TTC7A: variants seen among roughly 807,000 people sequenced by gnomAD.
TTC7A encodes tetratricopeptide repeat domain 7A, also known as tetratricopeptide repeat protein 7A.
TTC7A carries 110 observed loss-of-function variants against 103.7 expected under a neutral mutation model. The observed-to-expected ratio is 1.06, with a 90% CI of 0.91 to 1.24. The LOEUF (loss-of-function observed/expected upper bound fraction) is 1.24, where lower values mean the gene tolerates loss of function less well. TTC7A is among the 50% of genes most tolerant of loss of function. TTC7A has a pLI of 0.00. For synonymous variants in TTC7A, 521 were observed against 467.9 expected, an observed-to-expected ratio of 1.11 and a Z score of -1.47; for missense variants, 1,340 against 1,116.3, an observed-to-expected ratio of 1.20 and a Z score of -2.86.
At chr2:46,985,389 C>A (rs528551512) in intron 5 of TTC7A, among the ~76,000 whole-genome samples, 1 of 152,214 alleles carries the variant, frequency 6.6e-6, no homozygotes, top group African/African-American at 2.4e-5. Context: ...GGCAGTTACT[C>A]AGCCCCTGTG....
chr2:47,050,914 G>A (rs1682805896), intron 17 of TTC7A: 1 of 152,226 alleles, frequency 6.6e-6, no homozygotes, highest in African/African-American at 2.4e-5. Context: ...GAGGTCTCCT[G>A]AGTTTATTGG....
chr2:46,949,047 G>T (rs148644848), intron 1 of TTC7A, among the ~76,000 whole-genome samples: 25 of 152,248 alleles, frequency 1.6e-4, no homozygotes, highest in African/African-American at 4.8e-4. Context: ...CACCCCAGTT[G>T]CTGGGAGGGG....
At position 46,994,437 on chromosome 2, in the gene TTC7A, G is replaced by T; in HGVS notation, c.924G>T (p.Leu308=). Residue 308 remains leucine, a synonymous_variant, in exon 7 of 20, where the codon CTG becomes CTT. Coordinates refer to ENST00000319190, the MANE Select transcript of TTC7A (RefSeq NM_020458.4). The part of the protein sequence containing the change: ...ECYWSPLSHP[L]PEFMGKEESS... Reference sequence around the variant, plus strand: ...ACTGGAGCCCCCTGTCCCACCCTCTGCCTGAGTTCATGGGCAAGGAGGAGA... The same window carrying T: ...ACTGGAGCCCCCTGTCCCACCCTCTTCCTGAGTTCATGGGCAAGGAGGAGA... 1.2e-6 allele frequency: 2 copies of T among 1,614,102 alleles called. No homozygotes were observed. The highest frequency in any genetic ancestry group is 1.7e-6 in the Non-Finnish European group (2 of 1,179,998).
At chr2:47,040,361 C>G (rs544241429) in intron 15 of TTC7A, 139 of 152,408 alleles carry the variant, frequency 9.1e-4, no homozygotes, top group African/African-American at 3.2e-3. Context: ...CCAGACAGAA[C>G]ACTCACTTTC....
chr2:47,037,931 T>C (rs896868963), intron 15 of TTC7A, among the ~76,000 whole-genome samples: 1 of 152,150 alleles, frequency 6.6e-6, no homozygotes, highest in African/African-American at 2.4e-5. Flanking sequence ...AAATAGACGC[T>C]GTCATTCTCA....
Position 47,021,915 on chromosome 2 carries a change from C to T in TTC7A, c.1446C>T (p.Ala482=), listed in dbSNP as rs955968971. 1.2e-5 allele frequency: 20 copies of T among 1,614,040 alleles called. No individual in the cohort carries two copies. The highest frequency in any genetic ancestry group is 1.2e-4 in the Admixed American group (7 of 60,008). ...AMMVISLGEE[A]GEFLPKGYLA... is the part of the protein sequence containing the mutation. Reference sequence around the variant, plus strand: ...TGGTGATCAGCCTCGGAGAGGAAGCCGGGGAGTTCCTCCCCAAGGGCTACC... The same window carrying T: ...TGGTGATCAGCCTCGGAGAGGAAGCTGGGGAGTTCCTCCCCAAGGGCTACC... The change falls in exon 12 of 20, where the codon GCC becomes GCT. Residue 482 remains alanine (A), a synonymous_variant. Transcript: ENST00000319190.
At chr2:47,030,793 G>A (rs1680446736) in intron 15 of TTC7A, among the ~76,000 whole-genome samples, 1 of 152,180 alleles carries the variant, frequency 6.6e-6, no homozygotes, top group African/African-American at 2.4e-5. Context: ...ACTTGACACA[G>A]CCTGTCTTTT....
At chr2:46,985,377 G>A (rs1042888221) in intron 5 of TTC7A, among the ~76,000 whole-genome samples, 10 of 152,224 alleles carry the variant, frequency 6.6e-5, no homozygotes, top group African/African-American at 2.4e-4. Context: ...CCCAGGACAC[G>A]TGGCAGTTAC....
chr2:46,949,031 G>C (rs938084248), intron 1 of TTC7A, among the ~76,000 whole-genome samples: 3 of 152,126 alleles, frequency 2.0e-5, no homozygotes, highest in African/African-American at 7.2e-5. Flanking sequence ...TGGTGGGCCT[G>C]CTCCTCACCC....
chr2:46,945,188 G>A (rs1414469475), intron 1 of TTC7A, among the ~76,000 whole-genome samples: 1 of 151,750 alleles, frequency 6.6e-6, no homozygotes, highest in Non-Finnish European at 1.5e-5. Flanking sequence ...CTTCACCCTG[G>A]GCTCAAGTGA....
chr2:46,975,524 T>C (rs954699391), intron 4 of TTC7A, among the ~76,000 whole-genome samples: 1 of 151,706 alleles, frequency 6.6e-6, no homozygotes, highest in African/African-American at 2.4e-5. Flanking sequence ...CAGAGGCTGG[T>C]AAAAGAGTTG....
intron 19 of TTC7A, among the ~76,000 whole-genome samples, chr2:47,063,894 G>A (rs1683982424): frequency 6.6e-6 from 1 of 152,264 alleles, no homozygotes; most frequent in African/African-American, 2.4e-5. Context: ...AGTCCTTGGA[G>A]TGGGATTGGC....
intron 10 of TTC7A, among the ~76,000 whole-genome samples, chr2:47,010,567 G>A (rs1677935999): frequency 6.6e-6 from 1 of 152,014 alleles, no homozygotes; most frequent in African/African-American, 2.4e-5. Flanking sequence ...AAGCCTGGGG[G>A]GATCCTCAGA....
chr2:46,994,998 G>A (rs1486491908), intron 7 of TTC7A, 138 bp from the exon 8 acceptor site: 4 of 751,992 alleles, frequency 5.3e-6, no homozygotes, highest in East Asian at 2.7e-5. Flanking sequence ...TATGGTATCC[G>A]GTGCCCATGA....
At chr2:46,976,040 C>G (rs1037149975) in intron 4 of TTC7A, among the ~76,000 whole-genome samples, 1 of 152,268 alleles carries the variant, frequency 6.6e-6, no homozygotes, top group East Asian at 1.9e-4. Context: ...CCATTTTATT[C>G]TTTTTCCCTC....
At chr2:47,056,762 G>A (rs2436771) in intron 18 of TTC7A, among the ~76,000 whole-genome samples, 38,412 of 152,042 alleles carry the variant, frequency 0.25, 5,781 homozygotes, top group African/African-American at 0.42. Context: ...ACCGGAGACA[G>A]ACAAGCAAGA....
intron 3 of TTC7A, among the ~76,000 whole-genome samples, chr2:46,960,379 G>C (rs547145537): frequency 1.3e-5 from 2 of 152,310 alleles, no homozygotes; most frequent in East Asian, 3.9e-4. Context: ...AATTTCCTGA[G>C]CTCCTCTGGT....
Position 47,073,905 on chromosome 2 carries a change from C to A in TTC7A, c.2559C>A (p.Ile853=), listed in dbSNP as rs368008956. 4 of 1,612,580 alleles carry A rather than the reference C, an allele frequency of 2.5e-6. No individual in the cohort carries two copies. Among genetic ancestry groups the A allele is most frequent in the Non-Finnish European group, 3.4e-6 (4 of 1,179,902 alleles). The part of the protein sequence containing the change: ...EASSPVLPFS[I]IPREL ...GCAGCCCTGTACTGCCCTTCTCCAT[C>A]ATCCCCAGAGAGCTCTGACGACGCT... The change falls in exon 20 of 20, where the codon ATC becomes ATA. Residue 853 remains isoleucine (I), a synonymous_variant. Transcript: ENST00000319190.
intron 19 of TTC7A, among the ~76,000 whole-genome samples, chr2:47,064,017 C>T (rs183283487): frequency 2.6e-4 from 40 of 152,356 alleles, no homozygotes; most frequent in Middle Eastern, 6.8e-3. Flanking sequence ...ATTCTCTACT[C>T]TCCCTGTCCC....
Sources: gnomAD v4.1 joint callset for allele counts (sites outside exome capture counted in the v4.1 genomes callset) on GRCh38, gnomAD v4.1.1 for gene constraint, MANE v1.5 for transcripts, NCBI Gene and HGNC (gene_info 2026-07-23, HGNC 2026-07-21) for gene names.